Variants in MDGA2 observed in about 807,000 individuals in gnomAD.
MDGA2 encodes the protein MAM domain-containing glycosylphosphatidylinositol anchor protein 2.
A neutral mutation model predicts 117.8 loss-of-function variants in MDGA2; 40 were observed. The observed-to-expected ratio is 0.34, with a 90% confidence interval of 0.26 to 0.44. The LOEUF (loss-of-function observed/expected upper bound fraction) is 0.44, where lower values mean the gene tolerates loss of function less well. MDGA2 is among the 20% of genes least tolerant of loss of function. MDGA2 has a pLI of 1.00. For synonymous variants in MDGA2, 452 were observed against 439.0 expected (o/e 1.03, Z -0.37); for missense variants, 1,123 against 1,250.6 (o/e 0.90, Z 1.54).
intron 9 of MDGA2, among the ~76,000 whole-genome samples, chr14:46,929,601 G>GTATATATATATATATA (rs756528353): frequency 7.9e-5 from 1 of 12,674 alleles, no homozygotes; most frequent in African/African-American, 2.1e-4. Flanking sequence ...GTGTGTGTGT[G>GTATATATATATATATA]TATATATATA....
intron 4 of MDGA2, among the ~76,000 whole-genome samples, chr14:47,141,740 A>C (rs929093918): frequency 6.6e-6 from 1 of 152,228 alleles, no homozygotes; most frequent in Non-Finnish European, 1.5e-5. Flanking sequence ...AAGGGAGAAT[A>C]GAGAGAGATT....
intron 8 of MDGA2, among the ~76,000 whole-genome samples, chr14:47,009,203 T>A (rs1028194360): frequency 6.6e-6 from 1 of 152,036 alleles, no homozygotes; most frequent in Non-Finnish European, 1.5e-5. Context: ...ACAATAAGTT[T>A]TTTGCTTATA....
intron 5 of MDGA2, among the ~76,000 whole-genome samples, chr14:47,102,753 A>G (rs1362860427): frequency 1.3e-5 from 2 of 152,154 alleles, no homozygotes; most frequent in African/African-American, 4.8e-5. Flanking sequence ...TTAATTGGGA[A>G]TTATTCTCTG....
At chr14:47,456,009 A>G (rs933734430) in intron 1 of MDGA2, among the ~76,000 whole-genome samples, 1 of 151,856 alleles carries the variant, frequency 6.6e-6, no homozygotes, top group African/African-American at 2.4e-5. Flanking sequence ...AAAATAAAGT[A>G]AAATAAAATA....
At chr14:47,321,541 T>G (rs1889978738) in intron 1 of MDGA2, among the ~76,000 whole-genome samples, 1 of 152,190 alleles carries the variant, frequency 6.6e-6, no homozygotes, top group Non-Finnish European at 1.5e-5. Context: ...GAGATTACCA[T>G]CTGCTATTCT....
intron 3 of MDGA2, among the ~76,000 whole-genome samples, chr14:47,190,344 G>A (rs1277968694): frequency 3.9e-5 from 6 of 152,144 alleles, no homozygotes; most frequent in Admixed American, 2.6e-4. Context: ...GACTTGGGTC[G>A]AAGGGCCTTT....
chr14:46,959,940 A>G (rs1885725676), intron 8 of MDGA2, among the ~76,000 whole-genome samples: 1 of 151,990 alleles, frequency 6.6e-6, no homozygotes, highest in Non-Finnish European at 1.5e-5. Flanking sequence ...TCTGTTGTAC[A>G]TAGTTGGGCG....
chr14:47,246,562 A>C (rs1465598450), intron 2 of MDGA2, among the ~76,000 whole-genome samples: 1 of 151,702 alleles, frequency 6.6e-6, no homozygotes, highest in Non-Finnish European at 1.5e-5. Flanking sequence ...ATGACTCCTC[A>C]GGTTCATCCA....
rs142413719 is a variant in MDGA2, at chr14:47,591,887, C to G, written c.280+82630G>C. 3.1e-4 allele frequency among the ~76,000 whole-genome samples: 47 copies of G among 152,166 alleles called. No individual in the cohort carries two copies. The East Asian group carries it at 7.9e-3, about 26-fold the overall frequency. ...AAAACCGGCACAAGACAAAGATGCC[C>G]TCTCTCACTCCTATTCAACATAGTA... is the stretch of plus-strand genomic sequence containing the variant. On this transcript the variant is annotated intron_variant, in intron 1 of 16. Transcript: ENST00000399232.
At chr14:47,273,033 C>T (rs747370600) in intron 2 of MDGA2, among the ~76,000 whole-genome samples, 3 of 152,128 alleles carry the variant, frequency 2.0e-5, no homozygotes, top group Non-Finnish European at 4.4e-5. Context: ...CAGGGGATGA[C>T]GCTGGCCACG....
chr14:47,151,130 T>C (rs1883147479), intron 3 of MDGA2, among the ~76,000 whole-genome samples: 1 of 152,162 alleles, frequency 6.6e-6, no homozygotes, highest in Non-Finnish European at 1.5e-5. Flanking sequence ...GAGAGTGCCC[T>C]CAGAATCAAC....
In MDGA2 at chr14:46,850,484, A is replaced by G. The variant is rs114707307; in HGVS notation, c.2883+4540T>C. Among the ~76,000 whole-genome samples the G allele has an allele frequency of 2.7e-3, 409 of 152,000 alleles. 2 individuals carry two copies. Among genetic ancestry groups the G allele is most frequent in the African/African-American group, 9.5e-3 (395 of 41,546 alleles). ...AAAAGGCAAATCACTTCTAATCATT[A>G]CTGCTAAGGCAAATGCAAAACCCTA... On this transcript the variant is annotated intron_variant, in intron 15 of 16. Coordinates refer to ENST00000399232, the MANE Select transcript of MDGA2 (RefSeq NM_001113498.3).
chr14:47,339,152 T>C (rs1890545933), intron 1 of MDGA2, among the ~76,000 whole-genome samples: 2 of 152,098 alleles, frequency 1.3e-5, no homozygotes, highest in African/African-American at 2.4e-5. Context: ...CTCTTCAAAG[T>C]ACAAGGGTGT....
In MDGA2 at chr14:47,083,090, A is replaced by C. The variant is rs182404320; in HGVS notation, c.1195+13764T>G. ...ACAGAGCACAAAATACGTAAAGCTC[A>C]GTGAAAGGTCTAACATAAGAAAAAT... On this transcript the variant is annotated intron_variant, in intron 6 of 16. Transcript: ENST00000399232. 2.9e-3 allele frequency among the ~76,000 whole-genome samples: 444 copies of C among 152,132 alleles called. 3 individuals are homozygous for C. Among genetic ancestry groups the C allele is most frequent in the Middle Eastern group, 0.014 (4 of 294 alleles).
chr14:47,617,535 G>T (rs1282631121), intron 1 of MDGA2, among the ~76,000 whole-genome samples: 1 of 152,110 alleles, frequency 6.6e-6, no homozygotes, highest in Non-Finnish European at 1.5e-5. Flanking sequence ...AAACTGGTGA[G>T]CTTGCATGCT....
At chr14:47,104,011 C>G (rs1446796964) in intron 5 of MDGA2, among the ~76,000 whole-genome samples, 1 of 152,208 alleles carries the variant, frequency 6.6e-6, no homozygotes, top group Admixed American at 6.5e-5. Flanking sequence ...CTCTGCATGA[C>G]TCTCCTTGTC....
intron 1 of MDGA2, among the ~76,000 whole-genome samples, chr14:47,578,736 T>C (rs1896172698): frequency 6.6e-6 from 1 of 152,128 alleles, no homozygotes; most frequent in Non-Finnish European, 1.5e-5. Context: ...ATGTTGTTTT[T>C]AGTCAACATC....
chr14:47,218,228 G>A, intron 2 of MDGA2, 33 bp from the exon 3 acceptor site: 1 of 1,455,556 alleles, frequency 6.9e-7, no homozygotes. Context: ...TGTTACTTTA[G>A]GTTGGTTTTC....
chr14:47,266,871 G>A (rs983628250), intron 2 of MDGA2, among the ~76,000 whole-genome samples: 1 of 152,138 alleles, frequency 6.6e-6, no homozygotes, highest in Non-Finnish European at 1.5e-5. Context: ...TCAAAGTCTA[G>A]GAGAGGTGCT....
Sources: gnomAD v4.1 joint callset for allele counts (sites outside exome capture counted in the v4.1 genomes callset) on GRCh38, gnomAD v4.1.1 for gene constraint, MANE v1.5 for transcripts, NCBI Gene and HGNC (gene_info 2026-07-23, HGNC 2026-07-21) for gene names.